Variants in SEZ6L observed in about 807,000 individuals in gnomAD.
The protein encoded by SEZ6L is seizure 6-like protein.
SEZ6L carries 37 observed loss-of-function variants against 106.2 expected under a neutral mutation model. The ratio of observed to expected loss-of-function variants is 0.35; its 90% CI spans 0.27 to 0.46. The LOEUF (loss-of-function observed/expected upper bound fraction) is 0.46, where lower values mean the gene tolerates loss of function less well. Among genes scored for constraint, SEZ6L ranks in the 20% least tolerant of loss-of-function variants. SEZ6L has a pLI of 1.00. For missense variants in SEZ6L, 1,172 were observed against 1,332.8 expected (o/e 0.88, Z 1.88); for synonymous variants, 541 against 570.4 (o/e 0.95, Z 0.73).
chr22:26,302,175 C>T (rs1375560990), intron 5 of SEZ6L, among the ~76,000 whole-genome samples: 1 of 152,152 alleles, frequency 6.6e-6, no homozygotes, highest in Non-Finnish European at 1.5e-5. Flanking sequence ...CTCCTGAGCT[C>T]CTCCCCTTAC....
At chr22:26,211,189 T>C (rs1177842089) in intron 1 of SEZ6L, among the ~76,000 whole-genome samples, 1 of 152,230 alleles carries the variant, frequency 6.6e-6, no homozygotes, top group Non-Finnish European at 1.5e-5. Context: ...TGTACTGTTG[T>C]GATGGAAATT....
chr22:26,212,720 G>A lies in SEZ6L; in HGVS notation c.94+42957G>A, dbSNP rs545003909. On this transcript the variant is annotated intron_variant, in intron 1 of 16. Coordinates refer to ENST00000248933, the MANE Select transcript of SEZ6L (RefSeq NM_021115.5). ...TTACAGGTGTGAGCCACCACGCCTG[G>A]CCAAGATAAGGGCCTTGAAAGTAGA... 2.0e-5 allele frequency among the ~76,000 whole-genome samples: 3 copies of A among 152,320 alleles called. No homozygotes were observed. In the South Asian group the frequency reaches 6.2e-4, roughly 32 times the overall value.
chr22:26,204,370 T>C (rs959177638), intron 1 of SEZ6L, among the ~76,000 whole-genome samples: 2 of 152,196 alleles, frequency 1.3e-5, no homozygotes, highest in African/African-American at 2.4e-5. Flanking sequence ...ATACCACAAA[T>C]ATAGCACTTA....
chr22:26,190,836 C>T (rs1184466227), intron 1 of SEZ6L, among the ~76,000 whole-genome samples: 2 of 152,138 alleles, frequency 1.3e-5, no homozygotes, highest in African/African-American at 4.8e-5. Flanking sequence ...CCTGCCATGT[C>T]TCAATCAATA....
chr22:26,197,580 T>A (rs1224819906), intron 1 of SEZ6L, among the ~76,000 whole-genome samples: 1 of 152,196 alleles, frequency 6.6e-6, no homozygotes, highest in Non-Finnish European at 1.5e-5. Context: ...ATGGGGTGGC[T>A]GGTGGCCTTC....
At chr22:26,357,348 A>C (rs1601603970) in intron 12 of SEZ6L, among the ~76,000 whole-genome samples, 1 of 152,162 alleles carries the variant, frequency 6.6e-6, no homozygotes, top group African/African-American at 2.4e-5. Flanking sequence ...AGCCCCTGGA[A>C]AAACAGTAAG....
intron 1 of SEZ6L, among the ~76,000 whole-genome samples, chr22:26,252,473 G>C (rs925378120): frequency 5.9e-5 from 9 of 152,180 alleles, no homozygotes; most frequent in African/African-American, 2.2e-4. Flanking sequence ...TGTTACATGG[G>C]TATGGTACAT....
At chr22:26,338,871 T>TTTTTTTC (rs1343012674) in intron 9 of SEZ6L, among the ~76,000 whole-genome samples, 5 of 129,432 alleles carry the variant, frequency 3.9e-5, no homozygotes, top group African/African-American at 6.0e-5. Flanking sequence ...TTTTTTCTTT[T>TTTTTTTC]TTTTTTTTTT....
At chr22:26,211,512 G>A (rs956861244) in intron 1 of SEZ6L, among the ~76,000 whole-genome samples, 1 of 152,154 alleles carries the variant, frequency 6.6e-6, no homozygotes, top group African/African-American at 2.4e-5. Flanking sequence ...AACTGGAGCT[G>A]CAACAATAGC....
intron 9 of SEZ6L, among the ~76,000 whole-genome samples, chr22:26,338,747 G>A (rs2082723879): frequency 6.6e-6 from 1 of 151,850 alleles, no homozygotes; most frequent in Non-Finnish European, 1.5e-5. Context: ...TAGTAGAGAC[G>A]GGGTTTCACC....
chr22:26,260,852 T>C (rs2079979296), intron 1 of SEZ6L, among the ~76,000 whole-genome samples: 1 of 152,226 alleles, frequency 6.6e-6, no homozygotes. Flanking sequence ...CCACCAGCAG[T>C]GTAGAAGTGT....
intron 9 of SEZ6L, among the ~76,000 whole-genome samples, chr22:26,318,901 G>A (rs2082079160): frequency 6.6e-6 from 1 of 152,140 alleles, no homozygotes; most frequent in African/African-American, 2.4e-5. Flanking sequence ...AAACCTTGGC[G>A]TTATTCTGGC....
chr22:26,283,424 G>A (rs1419551989), intron 1 of SEZ6L, among the ~76,000 whole-genome samples: 5 of 151,986 alleles, frequency 3.3e-5, no homozygotes, highest in African/African-American at 1.2e-4. Context: ...GTGTGTTCTA[G>A]TCGAAAGCCC....
In SEZ6L at chr22:26,270,788, G is replaced by T. The variant is rs796275181; in HGVS notation, c.95-21618G>T. 3.3e-5 allele frequency among the ~76,000 whole-genome samples: 5 copies of T among 152,282 alleles called. 1 individual carries two copies. Among genetic ancestry groups the T allele is most frequent in the African/African-American group, 1.2e-4 (5 of 41,554 alleles). On this transcript the variant is annotated intron_variant, in intron 1 of 16. Coordinates refer to ENST00000248933, the MANE Select transcript of SEZ6L (RefSeq NM_021115.5). ...CTGTCAAGGAAAACCCCTCGCTGGT[G>T]TCTGCTAGGACACTCATCTTTCCTC...
chr22:26,329,981 A>G lies in SEZ6L; in HGVS notation c.2016-10455A>G, dbSNP rs540670320. ...ATTTCATCACTATCTCTACTGTTCC[A>G]TAAAGATCTTGCCTGAAGGGCAAGA... On this transcript the variant is annotated intron_variant, in intron 9 of 16. Transcript: ENST00000248933. 5.9e-5 allele frequency among the ~76,000 whole-genome samples: 9 copies of G among 152,356 alleles called. No individual in the cohort carries two copies. The South Asian group carries it at 1.9e-3, about 32-fold the overall frequency.
intron 9 of SEZ6L, among the ~76,000 whole-genome samples, chr22:26,330,798 C>T (rs1345733909): frequency 6.6e-6 from 1 of 152,110 alleles, no homozygotes; most frequent in Non-Finnish European, 1.5e-5. Flanking sequence ...TGGCTTACTC[C>T]AGCCAAAATA....
intron 1 of SEZ6L, among the ~76,000 whole-genome samples, chr22:26,173,744 C>T (rs1938782576): frequency 6.6e-6 from 1 of 152,206 alleles, no homozygotes; most frequent in African/African-American, 2.4e-5. Flanking sequence ...CGCCAACAGA[C>T]TCAGTATCTG....
At chr22:26,254,681 T>A (rs9613143) in intron 1 of SEZ6L, among the ~76,000 whole-genome samples, 34,366 of 152,158 alleles carry the variant, frequency 0.23, 4,243 homozygotes, top group African/African-American at 0.31. Context: ...GTGAGTGCTC[T>A]ACAGACAGTA....
intron 1 of SEZ6L, among the ~76,000 whole-genome samples, chr22:26,211,537 G>A (rs2078157475): frequency 6.6e-6 from 1 of 152,108 alleles, no homozygotes; most frequent in African/African-American, 2.4e-5. Context: ...CAGAGCGTTA[G>A]GCTCAAAAGA....
Sources: gnomAD v4.1 joint callset for allele counts (sites outside exome capture counted in the v4.1 genomes callset) on GRCh38, gnomAD v4.1.1 for gene constraint, MANE v1.5 for transcripts, NCBI Gene and HGNC (gene_info 2026-07-23, HGNC 2026-07-21) for gene names.